Variants in GNA14 observed in about 807,000 individuals in gnomAD.
GNA14 encodes G protein subunit alpha 14.
A neutral mutation model predicts 42.0 loss-of-function variants in GNA14; 50 were observed. That is an observed-to-expected ratio of 1.19 (90% CI 0.95 to 1.51). The LOEUF (loss-of-function observed/expected upper bound fraction) is 1.51, where lower values mean the gene tolerates loss of function less well. GNA14 is among the 40% of genes most tolerant of loss of function. GNA14 has a pLI of 0.00. For synonymous variants in GNA14, 173 were observed against 163.1 expected, an observed-to-expected ratio of 1.06 and a Z score of -0.46; for missense variants, 473 against 446.2, an observed-to-expected ratio of 1.06 and a Z score of -0.54.
At chr9:77,457,538 ACCGGAGTGTGAGAAAGCAG>A (rs1387747939) in intron 2 of GNA14, among the ~76,000 whole-genome samples, 1 of 152,152 alleles carries the variant, frequency 6.6e-6, no homozygotes. Flanking sequence ...GCAATGCCCT[ACCGGAGTGTGAGAAAGCAG>A]CCAAGAGGGC....
chr9:77,625,547 C>T (rs1488384620), intron 1 of GNA14, among the ~76,000 whole-genome samples: 3 of 152,208 alleles, frequency 2.0e-5, no homozygotes, highest in Admixed American at 2.0e-4. Context: ...TCAGCAGAAA[C>T]TCTATAAGCC....
chr9:77,483,975 A>G (rs1836611309), intron 2 of GNA14, among the ~76,000 whole-genome samples: 2 of 152,256 alleles, frequency 1.3e-5, no homozygotes, highest in Admixed American at 6.5e-5. Flanking sequence ...TTCAATACCC[A>G]GACAAATATT....
At chr9:77,448,077 C>G (rs900222505) in intron 2 of GNA14, among the ~76,000 whole-genome samples, 8 of 152,154 alleles carry the variant, frequency 5.3e-5, no homozygotes, top group Non-Finnish European at 1.0e-4. Flanking sequence ...CAGCAGACTG[C>G]CTGTTTTTGC....
chr9:77,500,204 G>C (rs1348380936), intron 2 of GNA14, among the ~76,000 whole-genome samples: 4 of 151,948 alleles, frequency 2.6e-5, no homozygotes, highest in African/African-American at 9.7e-5. Context: ...TTTCAGTAGA[G>C]ACGGGGTTTG....
chr9:77,575,897 A>G (rs561120093), intron 1 of GNA14, among the ~76,000 whole-genome samples: 2 of 152,348 alleles, frequency 1.3e-5, no homozygotes, highest in Admixed American at 1.3e-4. Flanking sequence ...TTTTGTGTCA[A>G]CACAGCCATC....
At chr9:77,467,584 T>C (rs1245281319) in intron 2 of GNA14, among the ~76,000 whole-genome samples, 1 of 150,996 alleles carries the variant, frequency 6.6e-6, no homozygotes, top group African/African-American at 2.4e-5. Context: ...TGAATGAACT[T>C]AGGCAAGAAA....
At chr9:77,552,921 G>T (rs1452322639) in intron 1 of GNA14, among the ~76,000 whole-genome samples, 1 of 152,170 alleles carries the variant, frequency 6.6e-6, no homozygotes, top group Non-Finnish European at 1.5e-5. Context: ...ACTGCAGGCT[G>T]CCAGGAGAAA....
intron 1 of GNA14, among the ~76,000 whole-genome samples, chr9:77,557,412 C>T (rs1822801694): frequency 6.6e-6 from 1 of 152,168 alleles, no homozygotes; most frequent in African/African-American, 2.4e-5. Flanking sequence ...TGAAGACCAC[C>T]TTGCTTTTTC....
At chr9:77,470,199 G>T (rs898018858) in intron 2 of GNA14, among the ~76,000 whole-genome samples, 2 of 152,152 alleles carry the variant, frequency 1.3e-5, no homozygotes, top group Non-Finnish European at 2.9e-5. Flanking sequence ...GGGTGGGGAG[G>T]ACTGGGGTGG....
At chr9:77,449,331 G>A (rs1319687327) in intron 2 of GNA14, among the ~76,000 whole-genome samples, 3 of 152,182 alleles carry the variant, frequency 2.0e-5, no homozygotes, top group Admixed American at 2.0e-4. Context: ...TAAGTGATGC[G>A]TGACTGTATG....
rs75684290 is a variant in GNA14, at chr9:77,426,105, G to A, written c.724-390C>T. Among the ~76,000 whole-genome samples, 261 of 152,226 alleles carry A rather than the reference G, an allele frequency of 1.7e-3. 6 individuals are homozygous for A. The East Asian group carries it at 0.049, about 28-fold the overall frequency. On this transcript the variant is annotated intron_variant, in intron 5 of 6. Coordinates refer to ENST00000341700, the MANE Select transcript of GNA14 (RefSeq NM_004297.4). Reference sequence around the variant, plus strand: ...GAAGTGCCAGCTTCAGACCTGACACGGCCACCTCAGTTGGTTATGGGCTTC... The same window carrying A: ...GAAGTGCCAGCTTCAGACCTGACACAGCCACCTCAGTTGGTTATGGGCTTC...
chr9:77,578,064 G>A lies in GNA14; in HGVS notation c.125-48811C>T, dbSNP rs934588469. Among the ~76,000 whole-genome samples the A allele has an allele frequency of 4.0e-5, 6 of 149,130 alleles. No individual in the cohort carries two copies. In the East Asian group the frequency reaches 7.7e-4, roughly 19 times the overall value. On this transcript the variant is annotated intron_variant, in intron 1 of 6. Transcript: ENST00000341700. ...GGGCAGATCACGAGGTCAAGAGATCGAGACCATCCTAGCCAACATGGTGAA... is the reference window on the plus strand; with the variant it reads ...GGGCAGATCACGAGGTCAAGAGATCAAGACCATCCTAGCCAACATGGTGAA...
intron 1 of GNA14, among the ~76,000 whole-genome samples, chr9:77,646,282 C>T (rs1824350318): frequency 6.6e-6 from 1 of 152,326 alleles, no homozygotes; most frequent in South Asian, 2.1e-4. Flanking sequence ...TCAGGTCTGC[C>T]TTCTTTTCTA....
chr9:77,445,626 T>C (rs7027197), intron 2 of GNA14, among the ~76,000 whole-genome samples: 24,884 of 150,748 alleles, frequency 0.17, 2,256 homozygotes, highest in East Asian at 0.37. Context: ...GCCTGTAGTC[T>C]CAGCTACTTG....
intron 1 of GNA14, among the ~76,000 whole-genome samples, chr9:77,621,332 C>T (rs1823918302): frequency 6.6e-6 from 1 of 152,158 alleles, no homozygotes; most frequent in African/African-American, 2.4e-5. Flanking sequence ...TTCTGGTTTG[C>T]ACCAAGATAT....
chr9:77,493,021 AAAAAAATAT>A, intron 2 of GNA14, among the ~76,000 whole-genome samples: 2 of 117,106 alleles, frequency 1.7e-5, no homozygotes, highest in African/African-American at 7.0e-5. Flanking sequence ...AAAAAAAAAA[AAAAAAATAT>A]ATATATATAT....
intron 2 of GNA14, among the ~76,000 whole-genome samples, chr9:77,480,497 T>C (rs1836524221): frequency 1.3e-5 from 2 of 152,316 alleles, no homozygotes; most frequent in East Asian, 3.9e-4. Context: ...ATCAAGGATA[T>C]TCATCTAAAA....
intron 2 of GNA14, among the ~76,000 whole-genome samples, chr9:77,466,849 C>G (rs976913065): frequency 6.6e-6 from 1 of 152,068 alleles, no homozygotes; most frequent in Admixed American, 6.6e-5. Flanking sequence ...TCTATTTTCC[C>G]GACCACATGG....
At chr9:77,465,998 G>A (rs1490927476) in intron 2 of GNA14, among the ~76,000 whole-genome samples, 1 of 152,144 alleles carries the variant, frequency 6.6e-6, no homozygotes, top group African/African-American at 2.4e-5. Context: ...GTTCCCTTGT[G>A]CATAATGAGT....
Sources: allele counts gnomAD v4.1 joint callset (sites outside exome capture counted in the v4.1 genomes callset), GRCh38; gene constraint gnomAD v4.1.1; transcripts MANE v1.5; gene names NCBI Gene and HGNC (gene_info 2026-07-23, HGNC 2026-07-21).